GARRE1: variants seen among roughly 807,000 people sequenced by gnomAD.
GARRE1 encodes the protein granule associated Rac and RHOG effector 1.
GARRE1 carries 49 observed loss-of-function variants against 103.2 expected under a neutral mutation model. That is an observed-to-expected ratio of 0.47 (90% CI 0.38 to 0.60). The LOEUF (loss-of-function observed/expected upper bound fraction) is 0.60. Ranked by LOEUF, GARRE1 falls within the 20% of genes least tolerant of loss-of-function variation. The pLI is 0.00. For synonymous variants in GARRE1, 505 were observed against 532.8 expected (o/e 0.95, Z 0.72); for missense variants, 1,199 against 1,370.5 (o/e 0.87, Z 1.98).
Position 34,353,043 on chromosome 19 carries a change from C to T in GARRE1, c.*88C>T. On this transcript the variant is annotated 3_prime_UTR_variant, in exon 14 of 14. Transcript: ENST00000299505. ...CCCCACCCCAGGGCCACTTAGCTGA[C>T]ACCAGCCCCTCAGAGGACCAGTGCG... The T allele has an allele frequency of 1.6e-6, 2 of 1,264,364 alleles. No individual in the cohort carries two copies. Among genetic ancestry groups the T allele is most frequent in the Non-Finnish European group, 2.1e-6 (2 of 931,634 alleles). 78.3% of individuals were successfully genotyped at this position (1,264,364 alleles called of 1,614,324 possible).
intron 12 of GARRE1, among the ~76,000 whole-genome samples, chr19:34,350,616 C>T (rs1474339698): frequency 6.6e-6 from 1 of 152,166 alleles, no homozygotes; most frequent in African/African-American, 2.4e-5. Context: ...GAGTCTCGCT[C>T]TGTTGCCCAG....
At chr19:34,292,574 TTTTAC>T (rs2073924193) in intron 1 of GARRE1, among the ~76,000 whole-genome samples, 1 of 152,008 alleles carries the variant, frequency 6.6e-6, no homozygotes, top group Non-Finnish European at 1.5e-5. Flanking sequence ...AGCTATCCCA[TTTTAC>T]TTTATTTTTT....
chr19:34,351,742 C>G (rs940267629), intron 13 of GARRE1, 150 bp downstream of exon 13: 4 of 649,296 alleles, frequency 6.2e-6, no homozygotes, highest in African/African-American at 3.6e-5. Flanking sequence ...CCACAGGAAG[C>G]TCTACGGCTG....
chr19:34,277,219 T>C (rs1015270470), intron 1 of GARRE1, among the ~76,000 whole-genome samples: 10 of 152,174 alleles, frequency 6.6e-5, no homozygotes, highest in African/African-American at 2.4e-4. Flanking sequence ...GGCAGGGCTG[T>C]GCAGGTCTCA....
At chr19:34,287,109 A>G (rs945124601) in intron 1 of GARRE1, among the ~76,000 whole-genome samples, 4 of 148,870 alleles carry the variant, frequency 2.7e-5, no homozygotes, top group African/African-American at 9.9e-5. Context: ...ACTGCACTCC[A>G]GCCTGGGAGA....
chr19:34,311,277 A>C (rs2074035026), intron 2 of GARRE1, among the ~76,000 whole-genome samples: 1 of 152,178 alleles, frequency 6.6e-6, no homozygotes, highest in Non-Finnish European at 1.5e-5. Flanking sequence ...TACACCTCTT[A>C]GTTCCTTAAA....
At chr19:34,347,472 C>G (rs1270372027) in intron 10 of GARRE1, among the ~76,000 whole-genome samples, 2 of 152,204 alleles carry the variant, frequency 1.3e-5, no homozygotes, top group Non-Finnish European at 2.9e-5. Context: ...AGCGATCTGC[C>G]CACCTCAGGC....
At chr19:34,265,306 G>A (rs1291186300) in intron 1 of GARRE1, among the ~76,000 whole-genome samples, 2 of 152,178 alleles carry the variant, frequency 1.3e-5, no homozygotes, top group Non-Finnish European at 2.9e-5. Context: ...AGGCTCTGGT[G>A]ACCTAGGCAG....
intron 3 of GARRE1, among the ~76,000 whole-genome samples, chr19:34,326,224 A>T (rs929856897): frequency 1.1e-4 from 16 of 152,240 alleles, no homozygotes; most frequent in Admixed American, 2.0e-4. Context: ...TGTGAAACCA[A>T]AGCTTTGGAA....
intron 3 of GARRE1, 35 bp from the exon 4 acceptor site, chr19:34,327,386 C>T: frequency 6.2e-7 from 1 of 1,606,466 alleles, no homozygotes; most frequent in Non-Finnish European, 8.5e-7. Flanking sequence ...ACTGTACCAC[C>T]CTCTTTTACC....
At chr19:34,329,890 CA>C (rs1256074855) in intron 6 of GARRE1, among the ~76,000 whole-genome samples, 2 of 151,678 alleles carry the variant, frequency 1.3e-5, no homozygotes, top group Non-Finnish European at 2.9e-5. Context: ...CTAGCCTGGG[CA>C]ACATAGCAAG....
chr19:34,310,493 C>T (rs574893863), intron 2 of GARRE1, among the ~76,000 whole-genome samples: 1 of 152,324 alleles, frequency 6.6e-6, no homozygotes, highest in East Asian at 1.9e-4. Flanking sequence ...ATGTCCAGAG[C>T]CAGGAAATCA....
intron 1 of GARRE1, among the ~76,000 whole-genome samples, chr19:34,294,321 G>A (rs1432771229): frequency 6.6e-6 from 1 of 151,804 alleles, no homozygotes; most frequent in Non-Finnish European, 1.5e-5. Flanking sequence ...CCCCTGAGGA[G>A]GCTGAGGTGG....
intron 8 of GARRE1, among the ~76,000 whole-genome samples, chr19:34,335,296 C>T (rs994284941): frequency 2.0e-5 from 3 of 152,124 alleles, no homozygotes. Context: ...GATATGTATT[C>T]ACATTCAGCT....
At chr19:34,293,074 T>A (rs971159076) in intron 1 of GARRE1, among the ~76,000 whole-genome samples, 1 of 152,192 alleles carries the variant, frequency 6.6e-6, no homozygotes, top group Admixed American at 6.5e-5. Flanking sequence ...CAATACTTGT[T>A]ACTGTCTTTC....
chr19:34,331,476 C>G (rs2074137688), intron 7 of GARRE1, among the ~76,000 whole-genome samples: 1 of 152,166 alleles, frequency 6.6e-6, no homozygotes, highest in African/African-American at 2.4e-5. Context: ...CCCATCCAGT[C>G]ACTGTATACC....
chr19:34,275,030 A>T (rs1054881425), intron 1 of GARRE1, among the ~76,000 whole-genome samples: 1 of 152,200 alleles, frequency 6.6e-6, no homozygotes, highest in Non-Finnish European at 1.5e-5. Flanking sequence ...AAAAACATGG[A>T]AATGGTTGGG....
At chr19:34,265,387 GA>G (rs2073745640) in intron 1 of GARRE1, among the ~76,000 whole-genome samples, 1 of 152,176 alleles carries the variant, frequency 6.6e-6, no homozygotes, top group Non-Finnish European at 1.5e-5. Context: ...AGGTGGGAGA[GA>G]ATGCGCTACA....
Position 34,301,926 on chromosome 19 carries a change from G to T in GARRE1, c.495+958G>T, listed in dbSNP as rs369934841. ...TCTCGATCTCCTGACCTTGTGATCT[G>T]CCCGCCTTGGTCTCCCAAAGTGTTG... On this transcript the variant is annotated intron_variant, in intron 2 of 13. Coordinates refer to ENST00000299505, the MANE Select transcript of GARRE1 (RefSeq NM_014686.5). 3.4e-5 allele frequency among the ~76,000 whole-genome samples: 5 copies of T among 145,010 alleles called. No homozygotes were observed. The South Asian group carries it at 1.1e-3, about 31-fold the overall frequency.
Sources: gnomAD v4.1 joint callset for allele counts (sites outside exome capture counted in the v4.1 genomes callset) on GRCh38, gnomAD v4.1.1 for gene constraint, MANE v1.5 for transcripts, NCBI Gene and HGNC (gene_info 2026-07-23, HGNC 2026-07-21) for gene names.